SPPL3: variants seen among roughly 807,000 people sequenced by gnomAD.
The protein encoded by SPPL3 is signal peptide peptidase like 3.
A neutral mutation model predicts 42.4 loss-of-function variants in SPPL3; 5 were observed. That is an observed-to-expected ratio of 0.12 (90% CI 0.06 to 0.25). The LOEUF (loss-of-function observed/expected upper bound fraction) is 0.25, where lower values mean the gene tolerates loss of function less well. Ranked by LOEUF, SPPL3 falls within the 10% of genes least tolerant of loss-of-function variation. The probability of loss-of-function intolerance (pLI) is 1.00; values close to 1 mark genes in which losing one functional copy is unlikely to be tolerated. For synonymous variants in SPPL3, 195 were observed against 181.8 expected, an observed-to-expected ratio of 1.07 and a Z score of -0.58; for missense variants, 235 against 489.0, an observed-to-expected ratio of 0.48 and a Z score of 4.90.
At chr12:120,902,310 C>T (rs1200641976) in intron 1 of SPPL3, among the ~76,000 whole-genome samples, 1 of 152,210 alleles carries the variant, frequency 6.6e-6, no homozygotes, top group Non-Finnish European at 1.5e-5. Context: ...CAATCCCCAA[C>T]TCCCTTTCTC....
intron 3 of SPPL3, among the ~76,000 whole-genome samples, chr12:120,788,713 T>A (rs185118926): frequency 6.6e-6 from 1 of 152,354 alleles, no homozygotes; most frequent in African/African-American, 2.4e-5. Flanking sequence ...AGTGGGCAGC[T>A]ACAATCTTTT....
At chr12:120,843,385 G>A (rs961334845) in intron 1 of SPPL3, among the ~76,000 whole-genome samples, 3 of 152,180 alleles carry the variant, frequency 2.0e-5, no homozygotes, top group Non-Finnish European at 2.9e-5. Flanking sequence ...GAGAATGTGC[G>A]TGTCAAGATT....
chr12:120,899,844 G>A (rs1873919572), intron 1 of SPPL3, among the ~76,000 whole-genome samples: 2 of 126,966 alleles, frequency 1.6e-5, no homozygotes, highest in African/African-American at 6.0e-5. Context: ...TGTGAGCGGA[G>A]ATCATGCCAT....
chr12:120,836,342 G>A (rs1198932532), intron 1 of SPPL3, among the ~76,000 whole-genome samples: 1 of 152,102 alleles, frequency 6.6e-6, no homozygotes, highest in African/African-American at 2.4e-5. Context: ...GGCATGCAAG[G>A]AAGTCCAGGC....
chr12:120,804,254 G>GT (rs776527648), intron 2 of SPPL3, among the ~76,000 whole-genome samples: 26 of 152,210 alleles, frequency 1.7e-4, no homozygotes, highest in Admixed American at 7.9e-4. Context: ...GACAGAAACT[G>GT]TTACTAGAGA....
rs71453512 is a variant in SPPL3 at position 120,871,130 on chromosome 12, C to CAAAAAAAAAAAAAAAAAAAA, written c.23+32714_23+32715insTTTTTTTTTTTTTTTTTTTT. Among the ~76,000 whole-genome samples the CAAAAAAAAAAAAAAAAAAAA allele has an allele frequency of 5.8e-3, 300 of 51,676 alleles. 32 individuals carry two copies. Among genetic ancestry groups the CAAAAAAAAAAAAAAAAAAAA allele is most frequent in the Non-Finnish European group, 9.1e-3 (251 of 27,544 alleles). The allele number at this position is 51,676 out of a possible 152,430, so 33.9% of individuals were successfully genotyped here. A position where few individuals can be genotyped will look rare whatever the true frequency, so the allele number is the denominator to read the frequency against. ...GGGCGACAGAGTGAGACTCCGTCTC[C>CAAAAAAAAAAAAAAAAAAAA]AAAAAAAAAAAAAAAAAAAGAAAAA... On this transcript the variant is annotated intron_variant, in intron 1 of 10. Transcript: ENST00000353487.
rs115435346 is a variant in SPPL3, at chr12:120,869,589, T to C, written c.23+34256A>G. ...TTCAAAAATGCACACCAGAGAATGG[T>C]ATTACCACAGCTGAGAACTACTGAG... On this transcript the variant is annotated intron_variant, in intron 1 of 10. Transcript: ENST00000353487. 3.9e-3 allele frequency among the ~76,000 whole-genome samples: 590 copies of C among 152,324 alleles called. 4 individuals carry two copies. Among genetic ancestry groups the C allele is most frequent in the African/African-American group, 0.013 (528 of 41,570 alleles).
At chr12:120,850,882 A>T (rs589699) in intron 1 of SPPL3, among the ~76,000 whole-genome samples, 5,022 of 142,098 alleles carry the variant, frequency 0.035, 120 homozygotes, top group Middle Eastern at 0.077. Flanking sequence ...ATCTGCTACC[A>T]CTCACTCTGG....
intron 1 of SPPL3, chr12:120,845,359 C>T (rs1269204370): frequency 1.7e-5 from 6 of 356,594 alleles, no homozygotes; most frequent in South Asian, 5.6e-5. Context: ...CTCAATCATA[C>T]GCCCTCTGTC....
intron 1 of SPPL3, among the ~76,000 whole-genome samples, chr12:120,863,182 T>C (rs972456098): frequency 2.6e-5 from 4 of 151,988 alleles, no homozygotes; most frequent in Non-Finnish European, 5.9e-5. Flanking sequence ...ACCCTATCTT[T>C]ACTAAAAATA....
intron 1 of SPPL3, among the ~76,000 whole-genome samples, chr12:120,850,512 A>C (rs930982164): frequency 7.8e-6 from 1 of 128,308 alleles, no homozygotes; most frequent in African/African-American, 3.2e-5. Context: ...AAAAAAAAAA[A>C]ACAAAAGCCA....
intron 2 of SPPL3, among the ~76,000 whole-genome samples, chr12:120,798,962 G>A (rs1870199347): frequency 6.6e-6 from 1 of 152,140 alleles, no homozygotes; most frequent in Non-Finnish European, 1.5e-5. Flanking sequence ...CGCGGGACAG[G>A]ATGAAGGGTT....
At chr12:120,768,577 T>C in intron 7 of SPPL3, 89 bp from the exon 8 acceptor site, 1 of 1,372,026 alleles carries the variant, frequency 7.3e-7, no homozygotes, top group Non-Finnish European at 1.0e-6. Flanking sequence ...GAGCAGAGTC[T>C]CAGAATGCTG....
intron 1 of SPPL3, among the ~76,000 whole-genome samples, chr12:120,874,479 G>T (rs1438991808): frequency 7.0e-6 from 1 of 141,990 alleles, no homozygotes; most frequent in Admixed American, 7.0e-5. Flanking sequence ...AAGAATAAAA[G>T]AAATAAGTGA....
chr12:120,875,506 G>A (rs923588120), intron 1 of SPPL3, among the ~76,000 whole-genome samples: 23 of 151,916 alleles, frequency 1.5e-4, no homozygotes, highest in Admixed American at 1.1e-3. Flanking sequence ...GCGGACGCCC[G>A]TAATCCCAAC....
rs1325385914 is a variant in SPPL3, at chr12:120,762,626, C to T, written c.*2373G>A. 1.3e-5 allele frequency: 2 copies of T among 148,556 alleles called. No homozygotes were observed. The highest frequency in any genetic ancestry group is 3.0e-5 in the Non-Finnish European group (2 of 67,764). 9.2% of individuals were successfully genotyped at this position (148,556 alleles called of 1,614,324 possible). ...TTTTTTTTTTTGAGATGGAGTCTCA[C>T]CCTGTCGCCCAGACTTGAGTGCAGT... On this transcript the variant is annotated 3_prime_UTR_variant, in exon 11 of 11. Coordinates refer to ENST00000353487, the MANE Select transcript of SPPL3 (RefSeq NM_139015.5).
chr12:120,792,822 T>C (rs910020258), intron 2 of SPPL3, among the ~76,000 whole-genome samples: 1 of 152,082 alleles, frequency 6.6e-6, no homozygotes, highest in African/African-American at 2.4e-5. Context: ...ATGTGGCTGG[T>C]AGGACAGAGG....
At chr12:120,779,378 A>G (rs1007398793) in intron 6 of SPPL3, among the ~76,000 whole-genome samples, 2 of 152,062 alleles carry the variant, frequency 1.3e-5, no homozygotes, top group Non-Finnish European at 2.9e-5. Flanking sequence ...GTTCCAAAGA[A>G]CTCTGTCTCC....
intron 1 of SPPL3, among the ~76,000 whole-genome samples, chr12:120,871,702 G>A (rs963383563): frequency 4.6e-5 from 7 of 152,016 alleles, no homozygotes; most frequent in Non-Finnish European, 8.8e-5. Flanking sequence ...GCAGCGAGCC[G>A]AGATTGTGCC....
Sources: gnomAD v4.1 joint callset for allele counts (sites outside exome capture counted in the v4.1 genomes callset) on GRCh38, gnomAD v4.1.1 for gene constraint, MANE v1.5 for transcripts, NCBI Gene and HGNC (gene_info 2026-07-23, HGNC 2026-07-21) for gene names.